BPTF: variants seen among roughly 807,000 people sequenced by gnomAD.
BPTF encodes bromodomain PHD finger transcription factor, also known as nucleosome-remodeling factor subunit BPTF.
A neutral mutation model predicts 292.5 loss-of-function variants in BPTF; 18 were observed. That is an observed-to-expected ratio of 0.06 (90% confidence interval 0.04 to 0.09). BPTF has a LOEUF of 0.09. Ranked by LOEUF, BPTF falls within the 10% of genes least tolerant of loss-of-function variation. The probability of loss-of-function intolerance (pLI) is 1.00; values close to 1 mark genes in which losing one functional copy is unlikely to be tolerated. For missense variants in BPTF, 2,726 were observed against 3,498.7 expected (o/e 0.78, Z 5.57); for synonymous variants, 1,225 against 1,251.9 (o/e 0.98, Z 0.45).
rs1200835530 is a variant in BPTF at position 67,922,977 on chromosome 17, G to A, written c.5695G>A (p.Ala1899Thr). 1.2e-6 allele frequency: 2 copies of A among 1,613,682 alleles called. No individual in the cohort carries two copies. Among genetic ancestry groups the A allele is most frequent in the Admixed American group, 1.7e-5 (1 of 59,906 alleles). The change falls in exon 14 of 28, where the codon GCA becomes ACA. Residue 1899 changes from alanine to threonine, a missense_variant. Physicochemically the swap from Ala to Thr is moderately conservative, Grantham distance 58. Around this residue, in one of 22 missense-constraint regions of BPTF, gnomAD observed 198 missense variants for 277.1 expected, o/e 0.71. Transcript: ENST00000306378. The part of the protein sequence containing the change: ...EEELELWEIR[A>T]FAERVEKEKA... Reference sequence around the variant, plus strand: ...AGAACTGGAATTGTGGGAGATCAGGGCATTTGCTGAGAGGTAAGGAAATGG... The same window carrying A: ...AGAACTGGAATTGTGGGAGATCAGGACATTTGCTGAGAGGTAAGGAAATGG...
At chr17:67,847,469 G>A (rs893261552) in intron 1 of BPTF, among the ~76,000 whole-genome samples, 2 of 151,736 alleles carry the variant, frequency 1.3e-5, no homozygotes, top group East Asian at 1.9e-4. Context: ...AGCAGAGGTC[G>A]CGCCACTGCA....
chr17:67,877,764 G>A (rs537772004), intron 4 of BPTF, among the ~76,000 whole-genome samples: 3 of 152,144 alleles, frequency 2.0e-5, no homozygotes, highest in South Asian at 2.1e-4. Context: ...GACTACAGGT[G>A]TGCACCACCA....
At position 67,854,628 on chromosome 17, in the gene BPTF, T is replaced by C; in HGVS notation, c.1302T>C (p.Cys434=). 1 of 1,614,242 alleles carries C rather than the reference T, an allele frequency of 6.2e-7. No individual in the cohort carries two copies. The highest frequency in any genetic ancestry group is 8.5e-7 in the Non-Finnish European group (1 of 1,180,042). The part of the protein sequence containing the change: ...VPEDEWQCEV[C]VAHKVPGVTD... ...AGGACGAGTGGCAGTGTGAAGTCTG[T>C]GTAGCACACAAGGTGCCTGGTGTGA... The change falls in exon 2 of 28, where the codon TGT becomes TGC. Residue 434 remains cysteine (C), a synonymous_variant. Transcript: ENST00000306378. The surrounding 1 kb of genome is among the most constrained non-coding windows in gnomAD (Gnocchi z 5.6).
chr17:67,925,048 C>G (rs1273929993), intron 15 of BPTF, among the ~76,000 whole-genome samples: 1 of 143,720 alleles, frequency 7.0e-6, no homozygotes, highest in East Asian at 2.0e-4. Context: ...TGCACCCATC[C>G]AGGTTTTTTT....
intron 27 of BPTF, among the ~76,000 whole-genome samples, chr17:67,976,537 T>C (rs1555693994): frequency 6.6e-6 from 1 of 151,522 alleles, no homozygotes; most frequent in African/African-American, 2.4e-5. Flanking sequence ...ATTTAAAAAA[T>C]TAACCAGGCA....
In BPTF at chr17:67,904,719, T is replaced by G. The variant is rs1287900135; in HGVS notation, c.2691T>G (p.Gly897=). ...PVKHQVWKQK[G]EEYRVTGYGG... Reference sequence around the variant, plus strand: ...TACACCAGGTTTGGAAACAAAAAGGTGAAGAGTACAGAGTGACAGGATATG... The same window carrying G: ...TACACCAGGTTTGGAAACAAAAAGGGGAAGAGTACAGAGTGACAGGATATG... The change falls in exon 9 of 28, where the codon GGT becomes GGG. Residue 897 remains glycine, a synonymous_variant. Coordinates refer to ENST00000306378, the MANE Select transcript of BPTF (RefSeq NM_182641.4). 6.2e-7 allele frequency: 1 copy of G among 1,607,600 alleles called. No homozygotes were observed. Among genetic ancestry groups the G allele is most frequent in the Non-Finnish European group, 8.5e-7 (1 of 1,176,672 alleles).
chr17:67,872,206 A>T (rs12937518), intron 3 of BPTF, among the ~76,000 whole-genome samples: 1 of 152,238 alleles, frequency 6.6e-6, no homozygotes, highest in Non-Finnish European at 1.5e-5. Context: ...ATATATGTAT[A>T]TGTGTATTTA....
intron 9 of BPTF, among the ~76,000 whole-genome samples, chr17:67,906,337 CCAAAGTGCTGGGAT>C (rs1478477279): frequency 1.3e-5 from 2 of 152,078 alleles, no homozygotes; most frequent in African/African-American, 4.8e-5. Flanking sequence ...CCTCGGCCTC[CCAAAGTGCTGGGAT>C]TACAGGTGTG....
chr17:67,912,116 A>G lies in BPTF; in HGVS notation c.4232A>G (p.Asp1411Gly). The change falls in exon 11 of 28, where the codon GAT (aspartate) becomes GGT (glycine). Residue 1411 changes from aspartate to glycine, a missense_variant. Around this residue, in one of 22 missense-constraint regions of BPTF, gnomAD observed 713 missense variants for 714.9 expected, o/e 1.00. Coordinates refer to ENST00000306378, the MANE Select transcript of BPTF (RefSeq NM_182641.4). ...RTSTFQINGK[D>G]NKPKIYLKGE... Reference sequence around the variant, plus strand: ...AGTACATTTCAAATAAATGGAAAAGATAATAAACCCAAAATATATTTGAAA... The same window carrying G: ...AGTACATTTCAAATAAATGGAAAAGGTAATAAACCCAAAATATATTTGAAA... The G allele has an allele frequency of 6.2e-7, 1 of 1,609,470 alleles. No homozygotes were observed. The highest frequency in any genetic ancestry group is 8.5e-7 in the Non-Finnish European group (1 of 1,178,514).
intron 11 of BPTF, among the ~76,000 whole-genome samples, chr17:67,916,585 C>A (rs912858321): frequency 6.6e-6 from 1 of 150,914 alleles, no homozygotes; most frequent in Non-Finnish European, 1.5e-5. Flanking sequence ...AGCAAAACTC[C>A]GTCTCAAAAA....
intron 19 of BPTF, among the ~76,000 whole-genome samples, chr17:67,943,731 C>T (rs1291814262): frequency 2.0e-5 from 3 of 152,188 alleles, no homozygotes; most frequent in South Asian, 4.1e-4. Context: ...TCTGCCTACC[C>T]CATAAAGTCA....
At chr17:67,928,922 A>T in intron 16 of BPTF, 2 of 1,180,594 alleles carry the variant, frequency 1.7e-6, no homozygotes, top group Non-Finnish European at 1.1e-6. Context: ...TGGTTATTTT[A>T]AATCTAAAGC....
In BPTF at chr17:67,929,473, A is replaced by G. The variant is rs750310852; in HGVS notation, c.6136A>G (p.Thr2046Ala). The G allele has an allele frequency of 6.2e-7, 1 of 1,614,010 alleles. No individual in the cohort carries two copies. The highest frequency in any genetic ancestry group is 8.5e-7 in the Non-Finnish European group (1 of 1,180,020). Residue 2046 changes from threonine (T) to alanine (A), a missense_variant, in exon 17 of 28, where the codon ACA (threonine) becomes GCA (alanine). Thr to Ala is a moderately conservative substitution (Grantham distance 58). Around this residue, in one of 22 missense-constraint regions of BPTF, gnomAD observed 570 missense variants for 633.5 expected, o/e 0.90. Transcript: ENST00000306378. ...CAATACCTCAGGCTCTGGAGGAACC[A>G]CAAGCAATTCACAAGTAAGAATTCT... ...RPNTSGSGGT[T>A]SNSQVITGPQ...
chr17:67,863,753 G>A (rs2059226008), intron 2 of BPTF, among the ~76,000 whole-genome samples: 1 of 152,120 alleles, frequency 6.6e-6, no homozygotes, highest in African/African-American at 2.4e-5. Flanking sequence ...GGTTGCAGGT[G>A]GACATGAACT....
intron 25 of BPTF, 75 bp from the exon 26 acceptor site, chr17:67,966,497 G>T (rs2068114625): frequency 7.5e-7 from 1 of 1,327,278 alleles, no homozygotes; most frequent in African/African-American, 1.5e-5. Flanking sequence ...GTTCATTGAT[G>T]TAGTAACTCA....
chr17:67,966,705 T>G (rs1555687692), intron 26 of BPTF, 49 bp downstream of exon 26: 1 of 1,355,214 alleles, frequency 7.4e-7, no homozygotes, highest in Non-Finnish European at 9.9e-7. Flanking sequence ...TCAGTGGATG[T>G]TTTATTATCC....
chr17:67,825,802 A>G lies in BPTF; in HGVS notation c.78A>G (p.Pro26=). The G allele has an allele frequency of 9.7e-7, 1 of 1,027,760 alleles. No homozygotes were observed. The highest frequency in any genetic ancestry group is 1.2e-6 in the Non-Finnish European group (1 of 860,178). 63.7% of individuals were successfully genotyped at this position (1,027,760 alleles called of 1,614,324 possible). The part of the protein sequence containing the change: ...AAERCAPAPP[P]PPPPPTSGPI... ...AGCGCTGCGCCCCGGCCCCGCCGCC[A>G]CCGCCGCCGCCGCCCACGTCCGGAC... The change falls in exon 1 of 28, where the codon CCA becomes CCG. Residue 26 remains proline, a synonymous_variant. Coordinates refer to ENST00000306378, the MANE Select transcript of BPTF (RefSeq NM_182641.4).
intron 2 of BPTF, among the ~76,000 whole-genome samples, chr17:67,856,393 T>G (rs1049204354): frequency 2.0e-5 from 3 of 152,186 alleles, no homozygotes; most frequent in Non-Finnish European, 2.9e-5. Flanking sequence ...ATGACAGGTT[T>G]TTTTCTCTCC....
chr17:67,895,561 A>G (rs2061387009), intron 7 of BPTF, among the ~76,000 whole-genome samples: 1 of 150,214 alleles, frequency 6.7e-6, no homozygotes, highest in African/African-American at 2.5e-5. Flanking sequence ...TCCCTGGGCT[A>G]AGGTTATCCT....
Sources: allele counts gnomAD v4.1 joint callset (sites outside exome capture counted in the v4.1 genomes callset), GRCh38; gene constraint gnomAD v4.1.1; regional missense constraint gnomAD v4.1.1; non-coding constraint Gnocchi (gnomAD v3.1); transcripts MANE v1.5; gene names NCBI Gene and HGNC (gene_info 2026-07-23, HGNC 2026-07-21).